The following SPATC1 variants were observed in gnomAD, a reference collection of about 807,000 sequenced individuals.
The protein encoded by SPATC1 is speriolin.
A neutral mutation model predicts 36.5 loss-of-function variants in SPATC1; 35 were observed. The observed-to-expected ratio is 0.96, with a 90% CI of 0.73 to 1.27. SPATC1 has a LOEUF of 1.27. SPATC1 is among the 50% of genes most tolerant of loss of function. SPATC1 has a pLI of 0.00. For missense variants in SPATC1, 779 were observed against 796.0 expected, an observed-to-expected ratio of 0.98 and a Z score of 0.26; for synonymous variants, 361 against 353.6, an observed-to-expected ratio of 1.02 and a Z score of -0.24.
intron 1 of SPATC1, among the ~76,000 whole-genome samples, chr8:144,020,136 C>G (rs1292022660): frequency 6.6e-6 from 1 of 151,916 alleles, no homozygotes; most frequent in African/African-American, 2.4e-5. Flanking sequence ...CGCTCAAGAT[C>G]TGTCCCTCCC....
chr8:144,023,110 C>T (rs1349605807), intron 1 of SPATC1, among the ~76,000 whole-genome samples: 1 of 116,666 alleles, frequency 8.6e-6, no homozygotes, highest in African/African-American at 3.3e-5. Flanking sequence ...TCTCTCAGGA[C>T]TCCTTTCCCT....
At position 144,040,619 on chromosome 8, in the gene SPATC1, G is replaced by A; in HGVS notation, c.818G>A (p.Ser273Asn). The stretch of plus-strand genomic sequence containing the variant: ...TCGACCCAGGACCCAGAGCCTCTCA[G>A]CATGGCGTTTGCAGGAGCACCCCTC... ...PQSTQDPEPL[S>N]MAFAGAPLQT... is the part of the protein sequence containing the mutation. Residue 273 changes from serine to asparagine, a missense_variant, in exon 3 of 5, where the codon AGC becomes AAC. By Grantham distance (46) the Ser-to-Asn change is conservative. Coordinates refer to ENST00000377470, the MANE Select transcript of SPATC1 (RefSeq NM_198572.3). 6.2e-7 allele frequency: 1 copy of A among 1,610,872 alleles called. No homozygotes were observed. Among genetic ancestry groups the A allele is most frequent in the East Asian group, 2.2e-5 (1 of 44,750 alleles).
Position 144,041,240 on chromosome 8 carries a change from C to A in SPATC1, c.1315C>A (p.Gln439Lys), listed in dbSNP as rs202183290. 12 of 1,613,340 alleles carry A rather than the reference C, an allele frequency of 7.4e-6. No homozygotes were observed. In the African/African-American group the frequency reaches 1.5e-4, roughly 20 times the overall value. ...KFPENPRESKQLAWERLVGEI... is the reference protein window; with the variant it reads ...KFPENPRESKKLAWERLVGEI... Reference sequence around the variant, plus strand: ...AGACCCTGTGTCCCCAGAGTCGAAGCAGCTGGCCTGGGAGAGGCTGGTGGG... The same window carrying A: ...AGACCCTGTGTCCCCAGAGTCGAAGAAGCTGGCCTGGGAGAGGCTGGTGGG... The change falls in exon 4 of 5, where the codon CAG becomes AAG. Residue 439 changes from glutamine to lysine, a missense_variant. Coordinates refer to ENST00000377470, the MANE Select transcript of SPATC1 (RefSeq NM_198572.3).
In SPATC1 at chr8:144,012,383, C is replaced by A. The variant is rs2133089437; in HGVS notation, c.-133C>A. ...GAAGAGGGCACAGCCTCTGACCTCA[C>A]AATACCCAGGGCCCACTGGGCCAGC... On this transcript the variant is annotated 5_prime_UTR_variant, in exon 1 of 5. Transcript: ENST00000377470. The A allele has an allele frequency of 7.0e-6, 5 of 713,088 alleles. No homozygotes were observed. Among genetic ancestry groups the A allele is most frequent in the Non-Finnish European group, 1.2e-5 (5 of 419,202 alleles). The allele number at this position is 713,088 out of a possible 1,614,324, so 44.2% of individuals were successfully genotyped here. A position where few individuals can be genotyped will look rare whatever the true frequency, so the allele number is the denominator to read the frequency against.
chr8:144,044,513 T>C (rs1455012074), intron 4 of SPATC1, among the ~76,000 whole-genome samples: 1 of 150,530 alleles, frequency 6.6e-6, no homozygotes, highest in Non-Finnish European at 1.5e-5. Flanking sequence ...TTTCACAGTG[T>C]TCGCCAGGAT....
intron 1 of SPATC1, among the ~76,000 whole-genome samples, chr8:144,014,239 G>A (rs1834336194): frequency 2.7e-5 from 4 of 149,932 alleles, no homozygotes; most frequent in South Asian, 2.1e-4. Flanking sequence ...CAAAAAGAGC[G>A]AAATTTTGAA....
intron 1 of SPATC1, among the ~76,000 whole-genome samples, chr8:144,032,968 C>T (rs1055859290): frequency 2.6e-5 from 4 of 151,762 alleles, no homozygotes; most frequent in East Asian, 1.9e-4. Flanking sequence ...CGACCAACTA[C>T]GACCCACAAC....
intron 4 of SPATC1, 54 bp downstream of exon 4, chr8:144,041,425 C>A: frequency 6.3e-7 from 1 of 1,586,824 alleles, no homozygotes; most frequent in Non-Finnish European, 8.5e-7. Flanking sequence ...CATGAGGGGC[C>A]GTGGGGACCC....
intron 1 of SPATC1, among the ~76,000 whole-genome samples, chr8:144,036,498 A>AT (rs1318783655): frequency 1.3e-5 from 2 of 151,848 alleles, no homozygotes; most frequent in Non-Finnish European, 2.9e-5. Context: ...TAATTTTTGG[A>AT]TTTTTTGTAG....
intron 1 of SPATC1, among the ~76,000 whole-genome samples, chr8:144,015,206 A>ATTTT (rs202062443): frequency 6.5e-4 from 92 of 141,424 alleles, no homozygotes; most frequent in African/African-American, 2.3e-3. Flanking sequence ...CTCCTGGCTA[A>ATTTT]TTTTTTTTTT....
rs1554755386 is a variant in SPATC1, at chr8:144,039,990, C to T, written c.293C>T (p.Ala98Val). 6.2e-7 allele frequency: 1 copy of T among 1,613,960 alleles called. No homozygotes were observed. The highest frequency in any genetic ancestry group is 1.1e-5 in the South Asian group (1 of 91,086). Residue 98 changes from alanine (A) to valine (V), a missense_variant, in exon 2 of 5, where the codon GCC (alanine) becomes GTC (valine). Physicochemically the swap from Ala to Val is moderately conservative, Grantham distance 64 (BLOSUM62 0). Coordinates refer to ENST00000377470, the MANE Select transcript of SPATC1 (RefSeq NM_198572.3). Reference sequence around the variant, plus strand: ...GGGATCATGGCCTTGGCACCCCTGGCCGAGATGCTAACCAGCTTGCAGCCC... The same window carrying T: ...GGGATCATGGCCTTGGCACCCCTGGTCGAGATGCTAACCAGCTTGCAGCCC... The part of the protein sequence containing the change: ...EVGIMALAPL[A>V]EMLTSLQPSA...
chr8:144,029,912 T>C (rs1834760572), intron 1 of SPATC1, among the ~76,000 whole-genome samples: 1 of 152,232 alleles, frequency 6.6e-6, no homozygotes, highest in East Asian at 1.9e-4. Context: ...CCAACTATTA[T>C]TGTAGAACGG....
rs199507567 is a variant in SPATC1, at chr8:144,039,956, G to A, written c.259G>A (p.Glu87Lys). 7.8e-4 allele frequency: 1,255 copies of A among 1,613,876 alleles called. 3 individuals carry two copies. The Middle Eastern group carries it at 0.013, about 17-fold the overall frequency. The change falls in exon 2 of 5, where the codon GAA becomes AAA. Residue 87 changes from glutamate (E) to lysine (K), a missense_variant. By Grantham distance (56) the Glu-to-Lys change is moderately conservative (BLOSUM62 1). Coordinates refer to ENST00000377470, the MANE Select transcript of SPATC1 (RefSeq NM_198572.3). ...SPAVANERVL[E>K]EVGIMALAPL... is the part of the protein sequence containing the mutation. ...AGCAGTGGCAAACGAACGAGTCCTC[G>A]AAGAAGTGGGGATCATGGCCTTGGC...
rs782564707 is a variant in SPATC1 at position 144,040,158 on chromosome 8, C to T, written c.461C>T (p.Ala154Val). Reference sequence around the variant, plus strand: ...GCGGGACCCCTAACAGGCACACTGGCCAGTTCCCTGGGCCTGCCCTCCACT... The same window carrying T: ...GCGGGACCCCTAACAGGCACACTGGTCAGTTCCCTGGGCCTGCCCTCCACT... ...PIAGPLTGTL[A>V]SSLGLPSTGT... The change falls in exon 2 of 5, where the codon GCC becomes GTC. Residue 154 changes from alanine (A) to valine (V), a missense_variant. Coordinates refer to ENST00000377470, the MANE Select transcript of SPATC1 (RefSeq NM_198572.3). 60 of 1,609,704 alleles carry T rather than the reference C, an allele frequency of 3.7e-5. No individual in the cohort carries two copies. Among genetic ancestry groups the T allele is most frequent in the Non-Finnish European group, 5.0e-5 (59 of 1,179,008 alleles).
chr8:144,043,896 G>A (rs1021162827), intron 4 of SPATC1, among the ~76,000 whole-genome samples: 8 of 152,130 alleles, frequency 5.3e-5, no homozygotes, highest in African/African-American at 1.9e-4. Context: ...CTGAGCACGG[G>A]CACACGCCTT....
At chr8:144,027,854 G>A (rs894957725) in intron 1 of SPATC1, among the ~76,000 whole-genome samples, 8 of 152,104 alleles carry the variant, frequency 5.3e-5, no homozygotes, top group African/African-American at 1.2e-4. Flanking sequence ...TTAACCGGGC[G>A]TGGTGGTGCA....
At chr8:144,042,296 T>C (rs1835126057) in intron 4 of SPATC1, among the ~76,000 whole-genome samples, 1 of 56,788 alleles carries the variant, frequency 1.8e-5, no homozygotes, top group Non-Finnish European at 3.1e-5. Flanking sequence ...TATATATATA[T>C]ATATATATAT....
chr8:144,041,400 G>A (rs1554756069), intron 4 of SPATC1, 29 bp downstream of exon 4: 6 of 1,600,004 alleles, frequency 3.7e-6, no homozygotes, highest in Non-Finnish European at 5.1e-6. Flanking sequence ...TGCAGGGACA[G>A]GGGGCAGGTT....
At chr8:144,039,852 C>A in intron 1 of SPATC1, 57 bp from the exon 2 acceptor site, 1 of 1,550,944 alleles carries the variant, frequency 6.4e-7, no homozygotes, top group Non-Finnish European at 8.8e-7. Flanking sequence ...TGTGACCACC[C>A]TCGCCGTGGT....
Sources: allele counts gnomAD v4.1 joint callset (sites outside exome capture counted in the v4.1 genomes callset), GRCh38; gene constraint gnomAD v4.1.1; transcripts MANE v1.5; gene names NCBI Gene and HGNC (gene_info 2026-07-23, HGNC 2026-07-21).